PPM1E: variants seen among roughly 807,000 people sequenced by gnomAD.
PPM1E encodes the protein protein phosphatase, Mg2+/Mn2+ dependent 1E.
In PPM1E, 20 loss-of-function variants were observed where a neutral mutation model predicts 65.9. The ratio of observed to expected loss-of-function variants is 0.30; its 90% confidence interval spans 0.21 to 0.44. The LOEUF (loss-of-function observed/expected upper bound fraction) is 0.44, where lower values mean the gene tolerates loss of function less well. Among genes scored for constraint, PPM1E ranks in the 20% least tolerant of loss-of-function variants. The pLI is 1.00. For synonymous variants in PPM1E, 352 were observed against 374.9 expected (o/e 0.94, Z 0.70); for missense variants, 713 against 953.1 (o/e 0.75, Z 3.32).
At chr17:58,869,421 A>G (rs868768138) in intron 1 of PPM1E, among the ~76,000 whole-genome samples, 8 of 152,140 alleles carry the variant, frequency 5.3e-5, no homozygotes, top group Admixed American at 2.0e-4. Context: ...TGCCATCCTC[A>G]CAGTAATGAA....
At position 58,980,250 on chromosome 17, in the gene PPM1E, A is replaced by G. The variant is rs766885543; in HGVS notation, c.1487A>G (p.Asn496Ser). The G allele has an allele frequency of 6.2e-7, 1 of 1,614,190 alleles. No homozygotes were observed. Among genetic ancestry groups the G allele is most frequent in the East Asian group, 2.2e-5 (1 of 44,888 alleles). ...CTGAGGGACATGAACAAAGCTGTAA[A>G]TGTTAGTGAGGAATCAGATTGGACA... ...VFLRDMNKAVNVSEESDWTEN... is the reference protein window; with the variant it reads ...VFLRDMNKAVSVSEESDWTEN... Residue 496 changes from asparagine (N) to serine (S), a missense_variant, in exon 7 of 7, where the codon AAT (asparagine) becomes AGT (serine). By Grantham distance (46) the Asn-to-Ser change is conservative. Coordinates refer to ENST00000308249, the MANE Select transcript of PPM1E (RefSeq NM_014906.5). This position sits in a 1 kb window ranked among gnomAD's most constrained non-coding sequence, Gnocchi z 4.7.
intron 6 of PPM1E, among the ~76,000 whole-genome samples, chr17:58,979,163 G>C (rs1056192369): frequency 6.6e-6 from 1 of 152,204 alleles, no homozygotes; most frequent in Non-Finnish European, 1.5e-5. Context: ...TTGTTAATGA[G>C]TGGGGAAATG....
intron 1 of PPM1E, among the ~76,000 whole-genome samples, chr17:58,867,631 GC>G (rs1471127781): frequency 6.6e-6 from 1 of 152,096 alleles, no homozygotes; most frequent in African/African-American, 2.4e-5. Flanking sequence ...AGCTAATTAG[GC>G]ACTACTTTTA....
chr17:58,799,337 T>G (rs1466296053), intron 1 of PPM1E, among the ~76,000 whole-genome samples: 1 of 152,114 alleles, frequency 6.6e-6, no homozygotes, highest in Non-Finnish European at 1.5e-5. Context: ...TGGAGTGCAG[T>G]GGCGCCGTCA....
At chr17:58,908,838 TAGTGTG>T (rs939333884) in intron 1 of PPM1E, among the ~76,000 whole-genome samples, 23 of 152,292 alleles carry the variant, frequency 1.5e-4, no homozygotes, top group African/African-American at 4.8e-4. Context: ...ATTTCACTGA[TAGTGTG>T]AGTGTATTAT....
intron 1 of PPM1E, among the ~76,000 whole-genome samples, chr17:58,805,950 AAAAAAAAAAAC>A (rs2050301653): frequency 4.7e-5 from 4 of 84,926 alleles, no homozygotes; most frequent in South Asian, 4.2e-4. Context: ...CTGTTCTGCT[AAAAAAAAAAAC>A]AAAAAAAAAA....
At chr17:58,836,302 AT>A (rs2050655332) in intron 1 of PPM1E, among the ~76,000 whole-genome samples, 1 of 151,908 alleles carries the variant, frequency 6.6e-6, no homozygotes, top group Non-Finnish European at 1.5e-5. Context: ...AGATTAATGT[AT>A]TTCATCATCT....
At chr17:58,856,260 A>T (rs2050880720) in intron 1 of PPM1E, among the ~76,000 whole-genome samples, 1 of 151,696 alleles carries the variant, frequency 6.6e-6, no homozygotes, top group African/African-American at 2.4e-5. Context: ...ATTTTTTGAG[A>T]TGGAGTTTTG....
chr17:58,821,622 T>C (rs1324533929), intron 1 of PPM1E, among the ~76,000 whole-genome samples: 1 of 152,148 alleles, frequency 6.6e-6, no homozygotes, highest in Non-Finnish European at 1.5e-5. Flanking sequence ...TTGCCCGATA[T>C]AATAGAAAGA....
At chr17:58,843,590 C>T (rs532648297) in intron 1 of PPM1E, among the ~76,000 whole-genome samples, 2 of 152,004 alleles carry the variant, frequency 1.3e-5, no homozygotes, top group African/African-American at 2.4e-5. Flanking sequence ...TTTGGGAGGC[C>T]GAGGCAAGCG....
intron 6 of PPM1E, among the ~76,000 whole-genome samples, chr17:58,979,181 A>G (rs183322576): frequency 3.9e-5 from 6 of 152,328 alleles, no homozygotes; most frequent in Non-Finnish European, 5.9e-5. Flanking sequence ...ATGCACAATA[A>G]CAATAAAGAC....
intron 1 of PPM1E, among the ~76,000 whole-genome samples, chr17:58,830,937 G>T (rs113341487): frequency 6.6e-6 from 1 of 151,588 alleles, no homozygotes; most frequent in African/African-American, 2.4e-5. Context: ...CACCCGCCTT[G>T]GCCTCCCAAA....
chr17:58,931,790 AC>A (rs2051903319), intron 1 of PPM1E, among the ~76,000 whole-genome samples: 1 of 152,190 alleles, frequency 6.6e-6, no homozygotes, highest in African/African-American at 2.4e-5. Context: ...ATGTTTTTGA[AC>A]ATTCAAGAAC....
At chr17:58,832,598 A>T (rs1370525127) in intron 1 of PPM1E, among the ~76,000 whole-genome samples, 1 of 152,168 alleles carries the variant, frequency 6.6e-6, no homozygotes, top group African/African-American at 2.4e-5. Context: ...CTGCATAATA[A>T]CGTAACATGA....
chr17:58,783,406 T>G (rs944876022), intron 1 of PPM1E, among the ~76,000 whole-genome samples: 12 of 152,250 alleles, frequency 7.9e-5, no homozygotes, highest in African/African-American at 2.7e-4. Context: ...ATAAACTTAA[T>G]TGTGAATCAG....
intron 6 of PPM1E, among the ~76,000 whole-genome samples, chr17:58,975,259 T>C (rs1050093286): frequency 1.3e-5 from 2 of 152,242 alleles, no homozygotes; most frequent in African/African-American, 2.4e-5. Flanking sequence ...GAGGATCATC[T>C]TTAATACTTG....
At chr17:58,974,384 G>T (rs16943328) in intron 6 of PPM1E, among the ~76,000 whole-genome samples, 11,217 of 152,140 alleles carry the variant, frequency 0.074, 928 homozygotes, top group African/African-American at 0.21. Context: ...GAGTTTCAAA[G>T]AACCCTATAT....
At chr17:58,977,440 C>CAA (rs1282159101) in intron 6 of PPM1E, among the ~76,000 whole-genome samples, 16 of 62,100 alleles carry the variant, frequency 2.6e-4, no homozygotes, top group African/African-American at 4.1e-4. Flanking sequence ...GACTCTGTCT[C>CAA]AAAAAAAAAA....
At position 58,969,580 on chromosome 17, in the gene PPM1E, T is replaced by C. The variant is rs747163414; in HGVS notation, c.825T>C (p.His275=). The part of the protein sequence containing the change: ...EQAYFAVFDG[H]GGVDAAIYAS... ...CTTACTTTGCAGTGTTTGATGGCCATGGGGGAGTAGATGCTGCTATTTATG... is the reference window on the plus strand; with the variant it reads ...CTTACTTTGCAGTGTTTGATGGCCACGGGGGAGTAGATGCTGCTATTTATG... The change falls in exon 4 of 7, where the codon CAT becomes CAC. Residue 275 remains histidine, a synonymous_variant. Coordinates refer to ENST00000308249, the MANE Select transcript of PPM1E (RefSeq NM_014906.5). 16 of 1,614,024 alleles carry C rather than the reference T, an allele frequency of 9.9e-6. No homozygotes were observed. In the South Asian group the frequency reaches 1.3e-4, roughly 13 times the overall value.
Sources: gnomAD v4.1 joint callset for allele counts (sites outside exome capture counted in the v4.1 genomes callset) on GRCh38, gnomAD v4.1.1 for gene constraint, Gnocchi (gnomAD v3.1) non-coding constraint, MANE v1.5 for transcripts, NCBI Gene and HGNC (gene_info 2026-07-23, HGNC 2026-07-21) for gene names.